Variants in XKR9 observed in about 807,000 individuals in gnomAD.
XKR9 encodes the protein XK-related protein 9.
A neutral mutation model predicts 32.0 loss-of-function variants in XKR9; 32 were observed. The observed-to-expected ratio is 1.00, with a 90% CI of 0.76 to 1.34. XKR9 has a LOEUF of 1.34. Among genes scored for constraint, XKR9 ranks in the 40% most tolerant of loss-of-function variants. XKR9 has a pLI of 0.00. For missense variants in XKR9, 546 were observed against 429.7 expected (o/e 1.27, Z -2.39); for synonymous variants, 168 against 143.4 (o/e 1.17, Z -1.22).
intron 3 of XKR9, among the ~76,000 whole-genome samples, chr8:70,699,109 A>G (rs1009885052): frequency 1.2e-4 from 18 of 152,238 alleles, no homozygotes; most frequent in Admixed American, 5.9e-4. Context: ...CCTGAATACA[A>G]CACACTGATG....
At chr8:71,016,919 C>T in the XKR9 span, among the ~76,000 whole-genome samples, 1 of 151,894 alleles carries the variant, frequency 6.6e-6, no homozygotes, top group South Asian at 2.1e-4. Context: ...TAATAGAATG[C>T]CAGTTTAAAT....
chr8:70,919,905 G>T, the XKR9 span, among the ~76,000 whole-genome samples: 5 of 152,108 alleles, frequency 3.3e-5, no homozygotes, highest in Non-Finnish European at 5.9e-5. Context: ...TTTTGCACAG[G>T]GCTATTAGAG....
chr8:70,825,960 G>T, the XKR9 span, among the ~76,000 whole-genome samples: 1 of 152,030 alleles, frequency 6.6e-6, no homozygotes, highest in African/African-American at 2.4e-5. Context: ...TTTGCATCAT[G>T]TAATACATAT....
chr8:71,051,174 CA>C, the XKR9 span, among the ~76,000 whole-genome samples: 1 of 152,156 alleles, frequency 6.6e-6, no homozygotes, highest in Non-Finnish European at 1.5e-5. Flanking sequence ...CTTAATTCTT[CA>C]ATGGGCTTAC....
At chr8:70,984,929 C>A in the XKR9 span, among the ~76,000 whole-genome samples, 2 of 152,084 alleles carry the variant, frequency 1.3e-5, no homozygotes, top group Non-Finnish European at 2.9e-5. Context: ...TCCATAATAA[C>A]TTATTACATT....
intron 4 of XKR9, among the ~76,000 whole-genome samples, chr8:70,707,482 A>G (rs1432040704): frequency 6.6e-6 from 1 of 151,934 alleles, no homozygotes; most frequent in African/African-American, 2.4e-5. Flanking sequence ...CTCATAGTAT[A>G]TCTTGGAGAT....
At chr8:70,834,948 T>C in the XKR9 span, among the ~76,000 whole-genome samples, 1 of 152,132 alleles carries the variant, frequency 6.6e-6, no homozygotes, top group Non-Finnish European at 1.5e-5. Flanking sequence ...TGTGCTGGAT[T>C]AGCTGATCAG....
chr8:70,686,928 C>T (rs1819301143), intron 3 of XKR9, among the ~76,000 whole-genome samples: 1 of 151,840 alleles, frequency 6.6e-6, no homozygotes, highest in Non-Finnish European at 1.5e-5. Context: ...GGATATTTAT[C>T]ACCTCAAGTA....
chr8:70,925,214 C>T, the XKR9 span, among the ~76,000 whole-genome samples: 5 of 152,206 alleles, frequency 3.3e-5, no homozygotes, highest in East Asian at 1.9e-4. Context: ...TTATCTCCTA[C>T]GACTAGACTA....
chr8:70,790,974 A>G (rs1807756471), downstream of XKR9, among the ~76,000 whole-genome samples: 1 of 152,046 alleles, frequency 6.6e-6, no homozygotes, highest in Admixed American at 6.6e-5. Flanking sequence ...CTATGAGGGC[A>G]CTAATCCCAT....
chr8:70,873,387 G>T, the XKR9 span, among the ~76,000 whole-genome samples: 4 of 152,232 alleles, frequency 2.6e-5, no homozygotes, highest in African/African-American at 9.6e-5. Context: ...CAAAATAAAT[G>T]GAAAACTTCT....
chr8:70,905,675 C>G, the XKR9 span, among the ~76,000 whole-genome samples: 4 of 152,188 alleles, frequency 2.6e-5, no homozygotes, highest in African/African-American at 9.7e-5. Flanking sequence ...TGGCAAGGAG[C>G]TGCGTTCCTT....
intron 3 of XKR9, among the ~76,000 whole-genome samples, chr8:70,696,167 G>A (rs1805268729): frequency 6.6e-6 from 1 of 151,976 alleles, no homozygotes; most frequent in East Asian, 1.9e-4. Flanking sequence ...CTTTTGCTGT[G>A]CAGAAGCTCT....
chr8:70,738,596 TGTG>T (rs1311227937), downstream of XKR9, among the ~76,000 whole-genome samples: 4 of 152,026 alleles, frequency 2.6e-5, no homozygotes, highest in Non-Finnish European at 5.9e-5. Context: ...TGCTTTCTCT[TGTG>T]GGCATTTAGT....
chr8:70,722,572 G>A (rs921638419), intron 4 of XKR9, among the ~76,000 whole-genome samples: 1 of 152,192 alleles, frequency 6.6e-6, no homozygotes, highest in African/African-American at 2.4e-5. Context: ...GTTTGGCTGG[G>A]TATGAATTTC....
At chr8:70,723,452 T>G (rs1185451447) in intron 4 of XKR9, among the ~76,000 whole-genome samples, 1 of 152,234 alleles carries the variant, frequency 6.6e-6, no homozygotes, top group Non-Finnish European at 1.5e-5. Flanking sequence ...TTATCTACCT[T>G]TGCTCTTTGA....
At chr8:70,760,555 A>G (rs1807293718) in intron 2 of XKR9, among the ~76,000 whole-genome samples, 2 of 152,308 alleles carry the variant, frequency 1.3e-5, no homozygotes, top group African/African-American at 4.8e-5. Context: ...TTCCCAGGCT[A>G]GCATCAAGTG....
the XKR9 span, among the ~76,000 whole-genome samples, chr8:70,840,620 T>C: frequency 2.6e-5 from 4 of 152,154 alleles, no homozygotes; most frequent in Admixed American, 2.0e-4. Context: ...GATTGTAATA[T>C]GGCTTCCAGA....
intron 2 of XKR9, among the ~76,000 whole-genome samples, chr8:70,767,973 ATTTG>A (rs1436563777): frequency 2.6e-5 from 4 of 151,744 alleles, no homozygotes; most frequent in Admixed American, 2.0e-4. Context: ...TAGCTTTTGA[ATTTG>A]TTTGCTCTTG....
Sources: allele counts gnomAD v4.1 joint callset (sites outside exome capture counted in the v4.1 genomes callset), GRCh38; gene constraint gnomAD v4.1.1; transcripts MANE v1.5; gene names NCBI Gene and HGNC (gene_info 2026-07-23, HGNC 2026-07-21).